The following DNAJC25 variants were observed in gnomAD, a reference collection of about 807,000 sequenced individuals.
The protein encoded by DNAJC25 is dnaJ homolog subfamily C member 25.
A neutral mutation model predicts 42.1 loss-of-function variants in DNAJC25; 26 were observed. The ratio of observed to expected loss-of-function variants is 0.62; its 90% CI spans 0.45 to 0.86. The LOEUF is 0.86. Among genes scored for constraint, DNAJC25 ranks in the 40% least tolerant of loss-of-function variants. The pLI, the probability that DNAJC25 is intolerant of heterozygous loss-of-function variation, is 0.00. For missense variants in DNAJC25, 404 were observed against 459.4 expected (o/e 0.88, Z 1.10); for synonymous variants, 189 against 179.9 (o/e 1.05, Z -0.40).
At chr9:111,645,041 A>C (rs1293971565) in intron 1 of DNAJC25, among the ~76,000 whole-genome samples, 1 of 152,228 alleles carries the variant, frequency 6.6e-6, no homozygotes, top group Non-Finnish European at 1.5e-5. Flanking sequence ...TGAAGAGAAC[A>C]TACAAGGAGT....
intron 2 of DNAJC25, among the ~76,000 whole-genome samples, chr9:111,649,071 C>T (rs980242629): frequency 6.6e-6 from 1 of 152,032 alleles, no homozygotes; most frequent in Non-Finnish European, 1.5e-5. Flanking sequence ...TGCCATTTAA[C>T]TCTTTCTCTA....
intron 1 of DNAJC25, among the ~76,000 whole-genome samples, chr9:111,632,646 T>G (rs1007382033): frequency 8.6e-5 from 13 of 151,842 alleles, no homozygotes; most frequent in Admixed American, 8.5e-4. Context: ...CCCATCATAC[T>G]AATGCGTCAG....
Position 111,631,490 on chromosome 9 carries a change from C to G in DNAJC25, c.83C>G (p.Pro28Arg), listed in dbSNP as rs1225667347. 4 of 1,324,068 alleles carry G rather than the reference C, an allele frequency of 3.0e-6. No individual in the cohort carries two copies. The highest frequency in any genetic ancestry group is 4.2e-5 in the Admixed American group (1 of 24,030). 82.0% of individuals were successfully genotyped at this position (1,324,068 alleles called of 1,614,324 possible). A position where few individuals can be genotyped will look rare whatever the true frequency, so the allele number is the denominator to read the frequency against. ...TGGATGCTGCTGGCGCCCCTGCTGC[C>G]GGCGCTGCTGCTGGTGCGGCCCGCG... ...RWWMLLAPLL[P>R]ALLLVRPAGA... The change falls in exon 1 of 4, where the codon CCG (proline) becomes CGG (arginine). Residue 28 changes from proline to arginine, a missense_variant. Physicochemically the swap from Pro to Arg is moderately radical, Grantham distance 103 (BLOSUM62 -2). Coordinates refer to ENST00000313525, the MANE Select transcript of DNAJC25 (RefSeq NM_001015882.3).
chr9:111,650,351 T>C (rs1830639863), intron 3 of DNAJC25, among the ~76,000 whole-genome samples: 1 of 151,682 alleles, frequency 6.6e-6, no homozygotes, highest in African/African-American at 2.4e-5. Flanking sequence ...TTGAGATGAC[T>C]TCATTTCAAA....
At chr9:111,650,734 A>G (rs184808865) in intron 3 of DNAJC25, among the ~76,000 whole-genome samples, 2 of 152,274 alleles carry the variant, frequency 1.3e-5, no homozygotes, top group Admixed American at 6.5e-5. Flanking sequence ...GAGCTCAAGC[A>G]ATCTGCCCAC....
chr9:111,637,441 C>T, intron 1 of DNAJC25, among the ~76,000 whole-genome samples: 1 of 152,202 alleles, frequency 6.6e-6, no homozygotes, highest in South Asian at 2.1e-4. Context: ...CTTGACTGAA[C>T]TCATTTTACT....
chr9:111,639,828 C>T (rs1025146082), intron 1 of DNAJC25, among the ~76,000 whole-genome samples: 14 of 151,954 alleles, frequency 9.2e-5, no homozygotes, highest in African/African-American at 4.8e-5. Flanking sequence ...TTTTTATACT[C>T]TATGTAATAG....
At position 111,642,728 on chromosome 9, in the gene DNAJC25, C is replaced by T. The variant is rs7847772; in HGVS notation, c.337-4379C>T. 660 of 323,414 alleles carry T rather than the reference C, an allele frequency of 2.0e-3. 8 individuals carry two copies. Among genetic ancestry groups the T allele is most frequent in the African/African-American group, 0.012 (581 of 47,092 alleles). 20.0% of individuals were successfully genotyped at this position (323,414 alleles called of 1,614,324 possible). A position where few individuals can be genotyped will look rare whatever the true frequency, so the allele number is the denominator to read the frequency against. On this transcript the variant is annotated intron_variant, in intron 1 of 3. Coordinates refer to ENST00000313525, the MANE Select transcript of DNAJC25 (RefSeq NM_001015882.3). Reference sequence around the variant, plus strand: ...AACAATTCATGATTTCCTTCAAGGGCAGGAACATAATATATTTTTGCCTCT... The same window carrying T: ...AACAATTCATGATTTCCTTCAAGGGTAGGAACATAATATATTTTTGCCTCT...
rs1276115272 is a variant in DNAJC25 at position 111,654,219 on chromosome 9, C to G, written c.*997C>G. 6.6e-6 allele frequency: 1 copy of G among 152,182 alleles called. No individual in the cohort carries two copies. The highest frequency in any genetic ancestry group is 2.4e-5 in the African/African-American group (1 of 41,456). The allele number at this position is 152,182 out of a possible 1,614,324, so 9.4% of individuals were successfully genotyped here. ...CATGTGTGGCAGTGCAAGTAAATAA[C>G]ACATTATTTGACTGAATCAGGCATG... On this transcript the variant is annotated 3_prime_UTR_variant, in exon 4 of 4. Coordinates refer to ENST00000313525, the MANE Select transcript of DNAJC25 (RefSeq NM_001015882.3).
chr9:111,649,981 G>A (rs10980991), intron 3 of DNAJC25, 58 bp downstream of exon 3: 327,817 of 1,437,956 alleles, frequency 0.23, 41,047 homozygotes, highest in East Asian at 0.5. Flanking sequence ...TTAAAATCAG[G>A]TGTATTATAA....
At position 111,639,647 on chromosome 9, in the gene DNAJC25, G is replaced by C. The variant is rs560530338; in HGVS notation, c.337-7460G>C. Among the ~76,000 whole-genome samples the C allele has an allele frequency of 2.0e-5, 3 of 150,462 alleles. No homozygotes were observed. In the South Asian group the frequency reaches 6.3e-4, roughly 32 times the overall value. On this transcript the variant is annotated intron_variant, in intron 1 of 3. Transcript: ENST00000313525. ...ATGGCCTGGAAAAAAATTTAGACTA[G>C]AGGTTGTTTTTTTTTTTTGAAGGAT...
rs1319242637 is a variant in DNAJC25 at position 111,649,886 on chromosome 9, T to C, written c.923T>C (p.Phe308Ser). ...CTAGAAGATCATCAGAAAGAAACTT[T>C]TCTTAAACGAGAGCTCTGGATCAAG... Reference protein sequence around the residue: ...DSLEDHQKETFLKRELWIKEN... With the variant: ...DSLEDHQKETSLKRELWIKEN... The change falls in exon 3 of 4, where the codon TTT becomes TCT. Residue 308 changes from phenylalanine to serine, a missense_variant. By Grantham distance (155) the Phe-to-Ser change is radical. Transcript: ENST00000313525. 6.3e-7 allele frequency: 1 copy of C among 1,596,522 alleles called. No homozygotes were observed. The highest frequency in any genetic ancestry group is 8.5e-7 in the Non-Finnish European group (1 of 1,174,950).
rs1463982432 is a variant in DNAJC25 at position 111,654,107 on chromosome 9, T to C, written c.*885T>C. The C allele has an allele frequency of 6.6e-6, 1 of 152,166 alleles. No individual in the cohort carries two copies. Among genetic ancestry groups the C allele is most frequent in the Admixed American group, 6.5e-5 (1 of 15,270 alleles). 9.4% of individuals were successfully genotyped at this position (152,166 alleles called of 1,614,324 possible). ...AGTCCTTGAGTGGTGAAAAATCCGT[T>C]GTACATGAGAACATTTCTATGCATT... is the stretch of plus-strand genomic sequence containing the variant. On this transcript the variant is annotated 3_prime_UTR_variant, in exon 4 of 4. Coordinates refer to ENST00000313525, the MANE Select transcript of DNAJC25 (RefSeq NM_001015882.3).
At chr9:111,652,840 C>T (rs1434358759) in intron 3 of DNAJC25, among the ~76,000 whole-genome samples, 2 of 152,046 alleles carry the variant, frequency 1.3e-5, no homozygotes, top group Non-Finnish European at 2.9e-5. Context: ...AGCCACCACG[C>T]CCGGCCACAA....
intron 1 of DNAJC25, among the ~76,000 whole-genome samples, chr9:111,633,763 A>T (rs762799432): frequency 1.3e-5 from 2 of 152,200 alleles, no homozygotes; most frequent in African/African-American, 2.4e-5. Flanking sequence ...GAGACTGATC[A>T]GTGCCCCCAT....
At chr9:111,636,749 C>A (rs1442226112) in intron 1 of DNAJC25, among the ~76,000 whole-genome samples, 1 of 152,196 alleles carries the variant, frequency 6.6e-6, no homozygotes, top group African/African-American at 2.4e-5. Flanking sequence ...TGGAACAAAA[C>A]TCTTACCTTT....
intron 1 of DNAJC25, among the ~76,000 whole-genome samples, chr9:111,641,214 CG>C (rs1830455555): frequency 7.4e-6 from 1 of 135,124 alleles, no homozygotes; most frequent in Admixed American, 7.4e-5. Flanking sequence ...CCGCCCCGTC[CG>C]GGAGGGAGGT....
chr9:111,650,907 T>C (rs1830648757), intron 3 of DNAJC25, among the ~76,000 whole-genome samples: 1 of 152,212 alleles, frequency 6.6e-6, no homozygotes, highest in Non-Finnish European at 1.5e-5. Flanking sequence ...TTGGTCTGAA[T>C]TATATTTATG....
chr9:111,649,737 A>C lies in DNAJC25; in HGVS notation c.774A>C (p.Ser258=), dbSNP rs1055471412. The C allele has an allele frequency of 6.2e-7, 1 of 1,614,154 alleles. No homozygotes were observed. Among genetic ancestry groups the C allele is most frequent in the African/African-American group, 1.3e-5 (1 of 75,060 alleles). The change falls in exon 3 of 4, where the codon TCA becomes TCC. Residue 258 remains serine, a synonymous_variant. Coordinates refer to ENST00000313525, the MANE Select transcript of DNAJC25 (RefSeq NM_001015882.3). The part of the protein sequence containing the change: ...QIILAPFHLC[S]YIVWYCRWIY... Reference sequence around the variant, plus strand: ...TCTTAGCTCCTTTTCACCTATGCTCATATATAGTTTGGTATTGTCGGTGGA... The same window carrying C: ...TCTTAGCTCCTTTTCACCTATGCTCCTATATAGTTTGGTATTGTCGGTGGA...
Sources: allele counts gnomAD v4.1 joint callset (sites outside exome capture counted in the v4.1 genomes callset), GRCh38; gene constraint gnomAD v4.1.1; transcripts MANE v1.5; gene names NCBI Gene and HGNC (gene_info 2026-07-23, HGNC 2026-07-21).